Variants in FBXL20 observed in about 807,000 individuals in gnomAD.
FBXL20 encodes the protein F-box/LRR-repeat protein 20.
A neutral mutation model predicts 64.0 loss-of-function variants in FBXL20; 11 were observed. The observed-to-expected ratio is 0.17, with a 90% CI of 0.11 to 0.28. The LOEUF (loss-of-function observed/expected upper bound fraction) is 0.28, where lower values mean the gene tolerates loss of function less well. Ranked by LOEUF, FBXL20 falls within the 10% of genes least tolerant of loss-of-function variation. FBXL20 has a pLI of 1.00. For synonymous variants in FBXL20, 184 were observed against 189.0 expected, an observed-to-expected ratio of 0.97 and a Z score of 0.22; for missense variants, 303 against 526.2, an observed-to-expected ratio of 0.58 and a Z score of 4.15.
intron 1 of FBXL20, among the ~76,000 whole-genome samples, chr17:39,353,599 C>T (rs905095425): frequency 3.6e-5 from 5 of 140,322 alleles, no homozygotes; most frequent in African/African-American, 5.2e-5. Flanking sequence ...ACCACTACAC[C>T]TTATTTATTT....
chr17:39,290,036 T>C (rs2047024611), intron 6 of FBXL20, among the ~76,000 whole-genome samples: 1 of 150,474 alleles, frequency 6.6e-6, no homozygotes. Flanking sequence ...AAATTCTATG[T>C]TTATTTCTCT....
intron 1 of FBXL20, among the ~76,000 whole-genome samples, chr17:39,380,537 A>G (rs1294151597): frequency 6.6e-6 from 1 of 152,184 alleles, no homozygotes; most frequent in Non-Finnish European, 1.5e-5. Context: ...CTCTGCTCAA[A>G]TATTACCTTA....
intron 2 of FBXL20, among the ~76,000 whole-genome samples, chr17:39,310,874 A>G (rs1034233520): frequency 6.6e-6 from 1 of 152,062 alleles, no homozygotes; most frequent in Non-Finnish European, 1.5e-5. Context: ...AATCTCAGCT[A>G]CTTGGGAGGC....
chr17:39,370,438 C>G (rs1428347465), intron 1 of FBXL20, among the ~76,000 whole-genome samples: 1 of 150,682 alleles, frequency 6.6e-6, no homozygotes, highest in Non-Finnish European at 1.5e-5. Context: ...TGCAGTGAGC[C>G]AAGATCAAGC....
intron 1 of FBXL20, among the ~76,000 whole-genome samples, chr17:39,346,602 A>G (rs1387598916): frequency 1.3e-5 from 2 of 152,218 alleles, no homozygotes; most frequent in African/African-American, 2.4e-5. Flanking sequence ...AGATTGTTAA[A>G]AAAGCAACAA....
chr17:39,299,238 C>A (rs1384006176), intron 4 of FBXL20, among the ~76,000 whole-genome samples, 154 bp from the exon 5 acceptor site: 1 of 152,126 alleles, frequency 6.6e-6, no homozygotes, highest in African/African-American at 2.4e-5. Flanking sequence ...AGAAAGCTTT[C>A]CTGATTAACC....
chr17:39,313,106 A>G (rs968054805), intron 2 of FBXL20, among the ~76,000 whole-genome samples: 2 of 145,518 alleles, frequency 1.4e-5, no homozygotes, highest in African/African-American at 2.6e-5. Flanking sequence ...TTTAGTAGAG[A>G]TGGGGTTTCA....
intron 14 of FBXL20, among the ~76,000 whole-genome samples, chr17:39,263,222 T>C (rs1197974846): frequency 6.0e-5 from 9 of 150,308 alleles, no homozygotes. Context: ...CTCCACAAAA[T>C]AGTTTTTTAA....
rs1279516097 is a variant in FBXL20, at chr17:39,382,765, A to G, written c.42+18596T>C. On this transcript the variant is annotated intron_variant, in intron 1 of 14. Coordinates refer to ENST00000264658, the MANE Select transcript of FBXL20 (RefSeq NM_032875.3). ...TAAGGTAGGAGGATCACTAGAGCTC[A>G]GGAGTTGCAGGCTGCAGTGAGCTAT... Among the ~76,000 whole-genome samples, 3 of 152,046 alleles carry G rather than the reference A, an allele frequency of 2.0e-5. No individual in the cohort carries two copies. The East Asian group carries it at 5.8e-4, about 29-fold the overall frequency.
upstream of FBXL20, chr17:39,402,090 C>A: frequency 8.6e-7 from 1 of 1,165,156 alleles, no homozygotes; most frequent in South Asian, 4.3e-5. Flanking sequence ...CCGCGCCCGT[C>A]GCCCCTCGTC....
intron 2 of FBXL20, among the ~76,000 whole-genome samples, chr17:39,321,994 GAATT>G (rs1264500586): frequency 6.6e-6 from 1 of 151,780 alleles, no homozygotes; most frequent in African/African-American, 2.4e-5. Flanking sequence ...ATTTGAACTT[GAATT>G]AATTCTTGAT....
chr17:39,340,147 AGCGCGGTG>A (rs1349610449), intron 2 of FBXL20, among the ~76,000 whole-genome samples: 3 of 151,690 alleles, frequency 2.0e-5, no homozygotes, highest in Non-Finnish European at 4.4e-5. Context: ...GTGAGGCTGG[AGCGCGGTG>A]GCGCGATCTT....
At chr17:39,337,433 C>G (rs553603549) in intron 2 of FBXL20, among the ~76,000 whole-genome samples, 3 of 152,072 alleles carry the variant, frequency 2.0e-5, no homozygotes, top group South Asian at 4.1e-4. Context: ...AGGAGCGTCT[C>G]TGCCTGGCAG....
At chr17:39,261,884 C>T (rs745452755) in intron 14 of FBXL20, among the ~76,000 whole-genome samples, 50 of 152,162 alleles carry the variant, frequency 3.3e-4, no homozygotes, top group Non-Finnish European at 6.6e-4. Context: ...AGATTGAGAC[C>T]ATCCAGGCTA....
intron 2 of FBXL20, among the ~76,000 whole-genome samples, chr17:39,322,515 T>G (rs1017770111): frequency 6.6e-6 from 1 of 152,098 alleles, no homozygotes; most frequent in African/African-American, 2.4e-5. Context: ...GACTAAATAC[T>G]AAGATTGAGA....
chr17:39,280,551 A>G (rs1000100471), intron 9 of FBXL20, among the ~76,000 whole-genome samples: 4 of 147,400 alleles, frequency 2.7e-5, no homozygotes, highest in Non-Finnish European at 6.0e-5. Context: ...TGGGTGACAG[A>G]GTAAGACTTT....
intron 1 of FBXL20, among the ~76,000 whole-genome samples, chr17:39,396,423 CCATCTCTACT>C (rs2048183828): frequency 6.6e-6 from 1 of 151,330 alleles, no homozygotes; most frequent in African/African-American, 2.4e-5. Context: ...TGGCAAAACC[CCATCTCTACT>C]AAAAATACAA....
intron 1 of FBXL20, among the ~76,000 whole-genome samples, chr17:39,351,154 G>A (rs2047683598): frequency 1.3e-5 from 2 of 152,012 alleles, no homozygotes. Flanking sequence ...GGCTAACATG[G>A]TGAAACCCCA....
chr17:39,381,604 A>G (rs1405023600), intron 1 of FBXL20, among the ~76,000 whole-genome samples: 1 of 152,080 alleles, frequency 6.6e-6, no homozygotes, highest in African/African-American at 2.4e-5. Context: ...CAGCCTGACA[A>G]CATGGTGAAA....
Sources: gnomAD v4.1 joint callset for allele counts (sites outside exome capture counted in the v4.1 genomes callset) on GRCh38, gnomAD v4.1.1 for gene constraint, MANE v1.5 for transcripts, NCBI Gene and HGNC (gene_info 2026-07-23, HGNC 2026-07-21) for gene names.